The following LAMP2 variants were observed in gnomAD, a reference collection of about 807,000 sequenced individuals.
LAMP2 encodes lysosome-associated membrane glycoprotein 2.
In LAMP2, 4 loss-of-function variants were observed where a neutral mutation model predicts 25.6. That is an observed-to-expected ratio of 0.16 (90% CI 0.08 to 0.36). LAMP2 has a LOEUF of 0.36. LAMP2 is among the 10% of genes least tolerant of loss of function. LAMP2 has a pLI of 1.00. For missense variants in LAMP2, 272 were observed against 301.4 expected, an observed-to-expected ratio of 0.90 and a Z score of 0.72; for synonymous variants, 108 against 112.7, an observed-to-expected ratio of 0.96 and a Z score of 0.27.
Position 120,431,348 on chromosome X carries a change from T to C in LAMP2, c.1208A>G (p.His403Arg). Residue 403 changes from histidine (H) to arginine (R), a missense_variant, in exon 9 of 9, where the codon CAT becomes CGT. Coordinates refer to ENST00000200639, the MANE Select transcript of LAMP2 (RefSeq NM_002294.3). ...CTAAAATTGCTCATATCCAGCATGA[T>C]GGTGCTTGAGACCAATAAAATAAGC... ...LLAYFIGLKHHHAGYEQF is the reference protein window; with the variant it reads ...LLAYFIGLKHRHAGYEQF The C allele has an allele frequency of 1.7e-6, 2 of 1,210,779 alleles. No individual in the cohort carries two copies. Among genetic ancestry groups the C allele is most frequent in the Non-Finnish European group, 2.2e-6 (2 of 894,350 alleles).
At chrX:120,439,835 G>C (rs764449925) in intron 8 of LAMP2, among the ~76,000 whole-genome samples, 67 of 110,612 alleles carry the variant, frequency 6.1e-4, no homozygotes, top group Non-Finnish European at 9.8e-4. Flanking sequence ...GCCTCTCAGT[G>C]GTAGAGTGAA....
intron 8 of LAMP2, chrX:120,437,391 G>A: frequency 2.7e-6 from 2 of 728,332 alleles, no homozygotes; most frequent in Non-Finnish European, 3.2e-6. Flanking sequence ...TCTAGTGAAT[G>A]GGAGGCACAT....
intron 7 of LAMP2, 55 bp downstream of exon 7, chrX:120,442,544 T>G (rs757874879): frequency 2.9e-4 from 280 of 976,834 alleles, no homozygotes; most frequent in Non-Finnish European, 3.9e-4. Context: ...CATTGTAATT[T>G]CTAATCCTTC....
At chrX:120,441,933 A>G (rs779155620) in intron 7 of LAMP2, 39 bp from the exon 8 acceptor site, 12 of 1,150,497 alleles carry the variant, frequency 1.0e-5, no homozygotes, top group Non-Finnish European at 1.4e-5. Flanking sequence ...TTCTTATCCT[A>G]TCAACATCAA....
At position 120,429,833 on chromosome X, in the gene LAMP2, G is replaced by A; in HGVS notation, c.*1490C>T. On this transcript the variant is annotated 3_prime_UTR_variant, in exon 9 of 9. Coordinates refer to ENST00000200639, the MANE Select transcript of LAMP2 (RefSeq NM_002294.3). ...CCCCTTTCTGTAAATAATCGTTAAG[G>A]TCCTTTCCAGTAATAGCTAATGAAA... 4 of 752,613 alleles carry A rather than the reference G, an allele frequency of 5.3e-6. No homozygotes were observed. The highest frequency in any genetic ancestry group is 4.7e-6 in the Non-Finnish European group (3 of 637,902). The allele number at this position is 752,613 out of a possible 1,213,427, so 62.0% of individuals were successfully genotyped here. A position where few individuals can be genotyped will look rare whatever the true frequency, so the allele number is the denominator to read the frequency against.
intron 8 of LAMP2, chrX:120,436,948 AT>A: frequency 1.3e-6 from 1 of 752,615 alleles, no homozygotes; most frequent in Non-Finnish European, 1.6e-6. Flanking sequence ...GCTTCCAATT[AT>A]TTTTTTAAAG....
intron 1 of LAMP2, among the ~76,000 whole-genome samples, chrX:120,467,394 C>T (rs1260766186): frequency 9.0e-6 from 1 of 111,323 alleles, no homozygotes; most frequent in Admixed American, 9.5e-5. Context: ...AAAAGCAATC[C>T]CCCAGTTGTT....
chrX:120,458,704 C>T lies in LAMP2; in HGVS notation c.65-1935G>A, dbSNP rs1372618509. ...CTGCTTCCTCCAAACTGGGTCCCTC[C>T]TCAGCTTTGCTAGCTCTAAATGAAG... is the stretch of plus-strand genomic sequence containing the variant. On this transcript the variant is annotated intron_variant, in intron 1 of 8. Transcript: ENST00000200639. 2.7e-5 allele frequency among the ~76,000 whole-genome samples: 3 copies of T among 111,890 alleles called. No homozygotes were observed. In the Admixed American group the frequency reaches 2.9e-4, roughly 11 times the overall value.
rs773661160 is a variant in LAMP2, at chrX:120,444,054, A to AAAAG, written c.865-1396_865-1393dup. The stretch of plus-strand genomic sequence containing the variant: ...AAGGAAAGAAAAGAAAAGAAAAAAG[A>AAAAG]AAAGAAAGAAAGAAAGAAAAGAAAG... On this transcript the variant is annotated intron_variant, in intron 6 of 8. Coordinates refer to ENST00000200639, the MANE Select transcript of LAMP2 (RefSeq NM_002294.3). 5.1e-4 allele frequency among the ~76,000 whole-genome samples: 57 copies of AAAAG among 111,640 alleles called. 1 individual carries two copies. Among genetic ancestry groups the AAAAG allele is most frequent in the African/African-American group, 1.8e-3 (54 of 30,740 alleles).
At chrX:120,445,461 C>T (rs1032418012) in intron 6 of LAMP2, among the ~76,000 whole-genome samples, 3 of 112,041 alleles carry the variant, frequency 2.7e-5, no homozygotes, top group African/African-American at 9.7e-5. Context: ...AGATTATTTC[C>T]CCATCCCCAA....
intron 3 of LAMP2, among the ~76,000 whole-genome samples, chrX:120,453,802 C>T (rs1306399806): frequency 8.9e-6 from 1 of 111,998 alleles, no homozygotes; most frequent in African/African-American, 3.2e-5. Context: ...AGCGAGACTC[C>T]AGCTCAAAAT....
rs959857358 is a variant in LAMP2, at chrX:120,426,701, A to G, written c.*4622T>C. On this transcript the variant is annotated 3_prime_UTR_variant, in exon 9 of 9. Coordinates refer to ENST00000200639, the MANE Select transcript of LAMP2 (RefSeq NM_002294.3). Reference sequence around the variant, plus strand: ...AGCTGATTTTATTAATCTGGCTTCTAGATAATCATCTCAAAAATATGTATT... The same window carrying G: ...AGCTGATTTTATTAATCTGGCTTCTGGATAATCATCTCAAAAATATGTATT... Among the ~76,000 whole-genome samples the G allele has an allele frequency of 7.1e-5, 8 of 112,199 alleles. No individual in the cohort carries two copies. Among genetic ancestry groups the G allele is most frequent in the Non-Finnish European group, 1.9e-5 (1 of 53,179 alleles).
chrX:120,461,457 A>G (rs764035196), intron 1 of LAMP2, among the ~76,000 whole-genome samples: 36 of 112,074 alleles, frequency 3.2e-4, no homozygotes, highest in African/African-American at 1.1e-3. Context: ...ATGGTAAATT[A>G]TAGTATACAG....
rs1044167843 is a variant in LAMP2 at position 120,469,262 on chromosome X, G to C, written c.-93C>G. The C allele has an allele frequency of 1.1e-6, 1 of 917,547 alleles. No homozygotes were observed. Among genetic ancestry groups the C allele is most frequent in the Non-Finnish European group, 1.6e-6 (1 of 637,233 alleles). The allele number at this position is 917,547 out of a possible 1,213,427, so 75.6% of individuals were successfully genotyped here. On this transcript the variant is annotated 5_prime_UTR_variant, in exon 1 of 9. Transcript: ENST00000200639. ...AAGGCTCGCTGGACCTGGGTCAAGA[G>C]CACTGATGACCACCGACCACAGCCT...
At chrX:120,451,455 G>GT (rs1036644080) in intron 3 of LAMP2, among the ~76,000 whole-genome samples, 10 of 110,336 alleles carry the variant, frequency 9.1e-5, no homozygotes, top group African/African-American at 2.0e-4. Flanking sequence ...GCCTAAATTA[G>GT]TTTTTTTTGT....
At chrX:120,446,208 A>G (rs1292684248) in intron 6 of LAMP2, 97 bp downstream of exon 6, 2 of 794,591 alleles carry the variant, frequency 2.5e-6, no homozygotes, top group African/African-American at 4.1e-5. Flanking sequence ...AGAACTGGAA[A>G]ATAAAGCTAA....
chrX:120,426,785 A>T lies in LAMP2; in HGVS notation c.*4538T>A, dbSNP rs1696976800. Among the ~76,000 whole-genome samples, 1 of 112,301 alleles carries T rather than the reference A, an allele frequency of 8.9e-6. No homozygotes were observed. The highest frequency in any genetic ancestry group is 3.6e-4 in the South Asian group (1 of 2,757). On this transcript the variant is annotated 3_prime_UTR_variant, in exon 9 of 9. Transcript: ENST00000200639. The stretch of plus-strand genomic sequence containing the variant: ...TTTTAACCAAATGCTTTTATAACAA[A>T]TAAGCAGTTGTTCTCAAAAGAGAAC...
intron 7 of LAMP2, among the ~76,000 whole-genome samples, chrX:120,442,376 A>T (rs1344346677): frequency 9.0e-6 from 1 of 111,268 alleles, no homozygotes; most frequent in African/African-American, 3.3e-5. Context: ...AAAATCAGTC[A>T]TATCCTTAAT....
intron 8 of LAMP2, among the ~76,000 whole-genome samples, chrX:120,435,241 TA>T (rs1469518787): frequency 1.8e-5 from 2 of 112,560 alleles, no homozygotes; most frequent in Non-Finnish European, 3.8e-5. Context: ...TTTATATCTA[TA>T]ATCAAACTGT....
Sources: allele counts gnomAD v4.1 joint callset (sites outside exome capture counted in the v4.1 genomes callset), GRCh38; gene constraint gnomAD v4.1.1; transcripts MANE v1.5; gene names NCBI Gene and HGNC (gene_info 2026-07-23, HGNC 2026-07-21).